The following IDUA variants were observed in gnomAD, a reference collection of about 807,000 sequenced individuals.
IDUA encodes the protein iduronidase alpha-L-.
In IDUA, 65 loss-of-function variants were observed where a neutral mutation model predicts 68.9. The observed-to-expected ratio is 0.94, with a 90% CI of 0.77 to 1.16. The LOEUF is 1.16. Ranked by LOEUF, IDUA falls within the 50% of genes most tolerant of loss-of-function variation. The pLI, the probability that IDUA is intolerant of heterozygous loss-of-function variation, is 0.00. For missense variants in IDUA, 1,046 were observed against 938.0 expected (o/e 1.12, Z -1.50); for synonymous variants, 529 against 433.6 (o/e 1.22, Z -2.73).
At chr4:994,351 CTG>C (rs1714599236) in intron 2 of IDUA, among the ~76,000 whole-genome samples, 1 of 151,746 alleles carries the variant, frequency 6.6e-6, no homozygotes, top group Non-Finnish European at 1.5e-5. Context: ...TCTCGGCTCA[CTG>C]GAAGCTCTGC....
At chr4:989,636 G>A (rs1714078940) in intron 2 of IDUA, 1 of 1,597,204 alleles carries the variant, frequency 6.3e-7, no homozygotes. Flanking sequence ...TGTAGGTCGT[G>A]GAACAGCGGT....
At chr4:991,548 G>T in intron 2 of IDUA, 2 of 1,605,994 alleles carry the variant, frequency 1.2e-6, no homozygotes. Context: ...CGGGGAGCAG[G>T]TCCTGCACCA....
At position 1,004,235 on chromosome 4, in the gene IDUA, G is replaced by C; in HGVS notation, c.1829-25G>C. 1 of 1,609,586 alleles carries C rather than the reference G, an allele frequency of 6.2e-7. No individual in the cohort carries two copies. The highest frequency in any genetic ancestry group is 8.5e-7 in the Non-Finnish European group (1 of 1,179,982). The stretch of plus-strand genomic sequence containing the variant: ...TTTCGGGTGGGGGCAGGTTCCGGTT[G>C]GCACACATGTCCCCTTGTCTCCAGA... On this transcript the variant is annotated intron_variant, in intron 13 of 13. Transcript: ENST00000514224. The surrounding 1 kb of genome is among the most constrained non-coding windows in gnomAD (Gnocchi z 5.0).
chr4:998,734 C>T (rs575638605), intron 2 of IDUA, among the ~76,000 whole-genome samples: 12 of 152,250 alleles, frequency 7.9e-5, no homozygotes, highest in South Asian at 4.1e-4. Flanking sequence ...CTCATCCACC[C>T]GCCTAGCTGC....
chr4:990,002 T>A, intron 2 of IDUA: 1 of 1,570,590 alleles, frequency 6.4e-7, no homozygotes, highest in Non-Finnish European at 8.6e-7. Flanking sequence ...CCAAAGCGCT[T>A]GTGGAGCTGC....
intron 2 of IDUA, chr4:992,134 C>G (rs185927467): frequency 4.1e-6 from 2 of 482,364 alleles, no homozygotes; most frequent in Middle Eastern, 3.1e-4. Context: ...GCTGCCACCA[C>G]GCACATGTGC....
At chr4:994,072 G>A (rs1577527143) in intron 2 of IDUA, among the ~76,000 whole-genome samples, 1 of 152,222 alleles carries the variant, frequency 6.6e-6, no homozygotes, top group East Asian at 1.9e-4. Context: ...CATAGGGCTG[G>A]GGTGAAGATA....
chr4:1,002,684 C>A, intron 8 of IDUA, 48 bp from the exon 9 acceptor site: 1 of 1,324,304 alleles, frequency 7.6e-7, no homozygotes, highest in Non-Finnish European at 1.0e-6. Flanking sequence ...GGTCGGGGGG[C>A]GGCTGGGCAA....
At position 1,000,610 on chromosome 4, in the gene IDUA, AG is replaced by A. The variant is rs778319492; in HGVS notation, c.303del. ...TTCCTGACGCTGACCGTCCTTCTGC[AG>A]GGGGTCCACTGGACGGGGCCTGAGC... On this transcript the variant is annotated splice_acceptor_variant, in intron 2 of 13. Coordinates refer to ENST00000514224, the MANE Select transcript of IDUA (RefSeq NM_000203.5). LOFTEE classifies it high-confidence loss of function. The A allele has an allele frequency of 1.2e-6, 2 of 1,611,292 alleles. No individual in the cohort carries two copies. The highest frequency in any genetic ancestry group is 1.1e-5 in the South Asian group (1 of 91,048).
At chr4:990,173 C>G (rs751905449) in intron 2 of IDUA, 17 of 1,559,962 alleles carry the variant, frequency 1.1e-5, no homozygotes, top group Non-Finnish European at 1.5e-5. Flanking sequence ...GCCTGCCCGG[C>G]GCCGCGCAGC....
chr4:991,769 G>A (rs1714364516), intron 2 of IDUA: 1 of 1,529,128 alleles, frequency 6.5e-7, no homozygotes, highest in Non-Finnish European at 8.8e-7. Context: ...GGAGCCCCCG[G>A]ATCCAGGGCC....
At chr4:989,097 G>A in intron 2 of IDUA, 3 of 1,602,868 alleles carry the variant, frequency 1.9e-6, no homozygotes, top group Non-Finnish European at 2.6e-6. Context: ...GGGCGCAGTC[G>A]ATGACCACTG....
In IDUA at chr4:1,002,293, C is replaced by G; in HGVS notation, c.997C>G (p.Leu333Val). The G allele has an allele frequency of 6.2e-7, 1 of 1,612,680 alleles. No homozygotes were observed. Among genetic ancestry groups the G allele is most frequent in the South Asian group, 1.1e-5 (1 of 91,024 alleles). Residue 333 changes from leucine to valine, a missense_variant, in exon 8 of 14, where the codon CTA becomes GTA. Physicochemically the swap from Leu to Val is conservative, Grantham distance 32. Transcript: ENST00000514224. ...GGTCATCGCGCAGCATCAGAACCTG[C>G]TACTGGCCAACACCACCTCCGCCTT... ...VKVIAQHQNLLLANTTSAFPY... is the reference protein window; with the variant it reads ...VKVIAQHQNLVLANTTSAFPY...
At chr4:987,290 T>C in intron 1 of IDUA, 48 bp downstream of exon 1, 1 of 1,486,618 alleles carries the variant, frequency 6.7e-7, no homozygotes, top group East Asian at 2.7e-5. Flanking sequence ...CGGGGAGAGC[T>C]CGGGCGCCCC....
In IDUA at chr4:987,858, CA is replaced by C. The variant is rs2153015644; in HGVS notation, c.209del (p.Gln70ArgfsTer38). On this transcript the variant is annotated frameshift_variant, in exon 2 of 14. Transcript: ENST00000514224. LOFTEE classifies it high-confidence loss of function. ...QADQYVLSWD[Q>X]QLNLAYVGAV... Reference sequence around the variant, plus strand: ...TGACCAGTACGTCCTCAGCTGGGACCAGCAGCTCAACCTCGCCTATGTGGGC... The same window carrying C: ...TGACCAGTACGTCCTCAGCTGGGACCGCAGCTCAACCTCGCCTATGTGGGC... 4 of 1,612,478 alleles carry C rather than the reference CA, an allele frequency of 2.5e-6. No individual in the cohort carries two copies. The highest frequency in any genetic ancestry group is 3.4e-6 in the Non-Finnish European group (4 of 1,179,860).
intron 1 of IDUA, 123 bp downstream of exon 1, chr4:987,365 G>T (rs1481229780): frequency 5.9e-6 from 6 of 1,008,716 alleles, no homozygotes; most frequent in Non-Finnish European, 4.2e-6. Context: ...GGCTCTCCCG[G>T]GCCCGCCCCC....
intron 4 of IDUA, chr4:1,001,262 C>T (rs368726496): frequency 4.6e-6 from 2 of 433,872 alleles, no homozygotes; most frequent in South Asian, 2.7e-5. Flanking sequence ...CCCTATCACC[C>T]AGGCCGCACC....
chr4:993,804 C>G (rs1336025947), intron 2 of IDUA, among the ~76,000 whole-genome samples: 1 of 152,254 alleles, frequency 6.6e-6, no homozygotes, highest in Non-Finnish European at 1.5e-5. Flanking sequence ...AAGGAGCCAG[C>G]CTGGTCCAAG....
chr4:988,531 C>A (rs936024675), intron 2 of IDUA: 4 of 1,220,448 alleles, frequency 3.3e-6, no homozygotes, highest in Admixed American at 4.1e-5. Context: ...AAGATGTCAA[C>A]CCTGAGCGTC....
Sources: gnomAD v4.1 joint callset for allele counts (sites outside exome capture counted in the v4.1 genomes callset) on GRCh38, gnomAD v4.1.1 for gene constraint, Gnocchi (gnomAD v3.1) non-coding constraint, MANE v1.5 for transcripts, NCBI Gene and HGNC (gene_info 2026-07-23, HGNC 2026-07-21) for gene names.